Variants in MARCHF1 observed in about 807,000 individuals in gnomAD.
The protein encoded by MARCHF1 is membrane associated ring-CH-type finger 1, also known as E3 ubiquitin-protein ligase MARCHF1.
MARCHF1 carries 40 observed loss-of-function variants against 54.2 expected under a neutral mutation model. The observed-to-expected ratio is 0.74, with a 90% CI of 0.57 to 0.96. The LOEUF (loss-of-function observed/expected upper bound fraction) is 0.96, where lower values mean the gene tolerates loss of function less well. MARCHF1 is among the 40% of genes least tolerant of loss of function. The pLI is 0.00. For synonymous variants in MARCHF1, 236 were observed against 236.3 expected (o/e 1.00, Z 0.01); for missense variants, 586 against 656.5 (o/e 0.89, Z 1.17).
At chr4:164,318,667 T>C (rs1014936010) in intron 1 of MARCHF1, among the ~76,000 whole-genome samples, 1 of 152,222 alleles carries the variant, frequency 6.6e-6, no homozygotes, top group African/African-American at 2.4e-5. Context: ...AGTGTAACTC[T>C]TGAGTACTTT....
At chr4:163,611,493 A>T (rs1741338973) in intron 7 of MARCHF1, among the ~76,000 whole-genome samples, 1 of 152,140 alleles carries the variant, frequency 6.6e-6, no homozygotes, top group African/African-American at 2.4e-5. Context: ...GAATCTAAAC[A>T]GCTTAAATGA....
At chr4:163,645,006 C>G (rs1329431401) in intron 5 of MARCHF1, among the ~76,000 whole-genome samples, 1 of 152,142 alleles carries the variant, frequency 6.6e-6, no homozygotes, top group Non-Finnish European at 1.5e-5. Context: ...GTTCCAATCC[C>G]TCTCAGTTAC....
intron 3 of MARCHF1, among the ~76,000 whole-genome samples, chr4:163,879,804 CGTGTGTGTGTGTGTGT>C (rs60539215): frequency 6.7e-6 from 1 of 148,378 alleles, no homozygotes; most frequent in East Asian, 2.0e-4. Flanking sequence ...GATTTAGAGG[CGTGTGTGTGTGTGTGT>C]GTGTGTGTGT....
chr4:163,673,663 A>T (rs1743808999), intron 5 of MARCHF1, among the ~76,000 whole-genome samples: 1 of 152,186 alleles, frequency 6.6e-6, no homozygotes, highest in East Asian at 1.9e-4. Context: ...AGATAAATTA[A>T]TAAGTAGCTT....
chr4:164,263,365 T>G (rs933980129), intron 1 of MARCHF1, among the ~76,000 whole-genome samples: 2 of 152,168 alleles, frequency 1.3e-5, no homozygotes, highest in Non-Finnish European at 2.9e-5. Context: ...TACATATGTA[T>G]TTAAAGATTT....
At chr4:164,338,790 T>C (rs988265899) in intron 1 of MARCHF1, among the ~76,000 whole-genome samples, 2 of 152,100 alleles carry the variant, frequency 1.3e-5, no homozygotes, top group Non-Finnish European at 2.9e-5. Context: ...CTTACCACCA[T>C]GGAGAAACCC....
At chr4:163,778,789 C>G (rs1747377294) in intron 4 of MARCHF1, among the ~76,000 whole-genome samples, 1 of 151,790 alleles carries the variant, frequency 6.6e-6, no homozygotes, top group African/African-American at 2.4e-5. Context: ...CAAGTGGGAG[C>G]TAAACAATGT....
intron 8 of MARCHF1, among the ~76,000 whole-genome samples, chr4:163,579,843 A>G (rs769972249): frequency 2.0e-5 from 3 of 152,152 alleles, no homozygotes; most frequent in Non-Finnish European, 4.4e-5. Flanking sequence ...TTCCTATGAT[A>G]GGGAAATAGC....
intron 1 of MARCHF1, among the ~76,000 whole-genome samples, chr4:164,220,223 T>TAC (rs1242173883): frequency 6.8e-6 from 1 of 147,356 alleles, no homozygotes; most frequent in Non-Finnish European, 1.5e-5. Context: ...TATATATATA[T>TAC]ACACACATAC....
chr4:164,034,072 T>C (rs11100535), intron 2 of MARCHF1, among the ~76,000 whole-genome samples: 3,570 of 38,646 alleles, frequency 0.092, 126 homozygotes, highest in Admixed American at 0.27. Context: ...GATAGACAGA[T>C]AGATAGATAG....
At chr4:164,184,029 A>G (rs1008192822) in intron 1 of MARCHF1, among the ~76,000 whole-genome samples, 2 of 152,192 alleles carry the variant, frequency 1.3e-5, no homozygotes, top group Admixed American at 6.5e-5. Context: ...TACAATCTTC[A>G]AAGTCTTGTA....
At chr4:163,954,826 T>C (rs1752200136) in intron 3 of MARCHF1, among the ~76,000 whole-genome samples, 1 of 152,202 alleles carries the variant, frequency 6.6e-6, no homozygotes, top group Admixed American at 6.5e-5. Flanking sequence ...CAAGTAGCCA[T>C]GCTTTAAGAG....
At chr4:163,613,141 A>G in intron 6 of MARCHF1, 103 bp from the exon 7 acceptor site, 1 of 1,238,540 alleles carries the variant, frequency 8.1e-7, no homozygotes, top group Non-Finnish European at 1.1e-6. Context: ...GACCAGAAGT[A>G]GATAAATAAA....
chr4:163,878,831 G>T (rs1191685488), intron 3 of MARCHF1, among the ~76,000 whole-genome samples: 1 of 152,160 alleles, frequency 6.6e-6, no homozygotes, highest in Non-Finnish European at 1.5e-5. Flanking sequence ...ACCAGCAATT[G>T]CAGAGTAATT....
At chr4:164,195,070 AG>A (rs1461525120) in intron 1 of MARCHF1, among the ~76,000 whole-genome samples, 1 of 149,614 alleles carries the variant, frequency 6.7e-6, no homozygotes, top group Non-Finnish European at 1.5e-5. Context: ...TGATGTGTTT[AG>A]TTTTCTGCCC....
intron 5 of MARCHF1, among the ~76,000 whole-genome samples, chr4:163,650,539 T>A (rs559188069): frequency 6.6e-6 from 1 of 152,070 alleles, no homozygotes; most frequent in African/African-American, 2.4e-5. Context: ...GAAGCTTATA[T>A]TAAATCAGGT....
intron 2 of MARCHF1, among the ~76,000 whole-genome samples, chr4:164,054,480 G>A (rs956511237): frequency 2.0e-5 from 3 of 152,208 alleles, no homozygotes; most frequent in East Asian, 1.9e-4. Context: ...GCACACGTAT[G>A]TTTACTGTGG....
intron 1 of MARCHF1, among the ~76,000 whole-genome samples, chr4:164,351,165 G>C (rs1170932702): frequency 6.6e-6 from 1 of 151,888 alleles, no homozygotes; most frequent in Non-Finnish European, 1.5e-5. Context: ...CAAACTGCAA[G>C]GCGGCAGCGA....
intron 8 of MARCHF1, among the ~76,000 whole-genome samples, chr4:163,547,928 ATATT>A (rs1256407575): frequency 1.3e-5 from 2 of 152,208 alleles, no homozygotes; most frequent in African/African-American, 2.4e-5. Context: ...TTATCAAACT[ATATT>A]TATATATTAT....
Sources: allele counts gnomAD v4.1 joint callset (sites outside exome capture counted in the v4.1 genomes callset), GRCh38; gene constraint gnomAD v4.1.1; transcripts MANE v1.5; gene names NCBI Gene and HGNC (gene_info 2026-07-23, HGNC 2026-07-21).